ALMS1: variants seen among roughly 807,000 people sequenced by gnomAD.
ALMS1 encodes ALMS1 centrosome and basal body associated protein, also known as centrosome-associated protein ALMS1.
ALMS1 carries 271 observed loss-of-function variants against 352.2 expected under a neutral mutation model. The ratio of observed to expected loss-of-function variants is 0.77; its 90% CI spans 0.70 to 0.85. The LOEUF (loss-of-function observed/expected upper bound fraction) is 0.85. Among genes scored for constraint, ALMS1 ranks in the 40% least tolerant of loss-of-function variants. ALMS1 has a pLI of 0.00. For missense variants in ALMS1, 5,445 were observed against 4,870.7 expected (o/e 1.12, Z -3.51); for synonymous variants, 1,865 against 1,761.2 (o/e 1.06, Z -1.48).
intron 1 of ALMS1, among the ~76,000 whole-genome samples, chr2:73,394,957 A>G (rs117584446): frequency 2.0e-5 from 3 of 148,420 alleles, no homozygotes; most frequent in Non-Finnish European, 4.4e-5. Context: ...TAGAAAAGGT[A>G]TAGTAAAAAT....
At chr2:73,422,731 A>G in intron 3 of ALMS1, 126 bp from the exon 4 acceptor site, 2 of 801,542 alleles carry the variant, frequency 2.5e-6, no homozygotes, top group Non-Finnish European at 4.2e-6. Flanking sequence ...TTGCTTTTAT[A>G]TTATTATTCT....
At chr2:73,468,820 T>G (rs1672410953) in intron 9 of ALMS1, among the ~76,000 whole-genome samples, 2 of 152,000 alleles carry the variant, frequency 1.3e-5, no homozygotes, top group Admixed American at 6.6e-5. Context: ...AGGAGGAACC[T>G]GCTTCTGTCC....
intron 9 of ALMS1, among the ~76,000 whole-genome samples, chr2:73,472,736 G>A (rs1672493732): frequency 6.6e-6 from 1 of 152,006 alleles, no homozygotes; most frequent in Admixed American, 6.6e-5. Context: ...TATACTCATG[G>A]TGCAGGCTGT....
In ALMS1 at chr2:73,452,333, G is replaced by A. The variant is rs758506529; in HGVS notation, c.5806G>A (p.Val1936Ile). The A allele has an allele frequency of 8.1e-6, 13 of 1,614,038 alleles. 1 individual carries two copies. The South Asian group carries it at 1.4e-4, about 18-fold the overall frequency. The change falls in exon 8 of 23, where the codon GTA (valine) becomes ATA (isoleucine). Residue 1936 changes from valine (V) to isoleucine (I), a missense_variant. Coordinates refer to ENST00000613296, the MANE Select transcript of ALMS1 (RefSeq NM_001378454.1). ...TGACCGGAAGACTGAGATACCAACAGTACCTTTAAGTTACTACTCACGTAG... is the reference window on the plus strand; with the variant it reads ...TGACCGGAAGACTGAGATACCAACAATACCTTTAAGTTACTACTCACGTAG... Reference protein sequence around the residue: ...QGDRKTEIPTVPLSYYSRREK... With the variant: ...QGDRKTEIPTIPLSYYSRREK...
At position 73,449,088 on chromosome 2, in the gene ALMS1, C is replaced by G. The variant is rs897039114; in HGVS notation, c.2561C>G (p.Thr854Ser). Residue 854 changes from threonine (T) to serine (S), a missense_variant, in exon 8 of 23, where the codon ACC (threonine) becomes AGC (serine). Transcript: ENST00000613296. ...ADGKTGTPAV[T>S]STSSASSSLG... ...GGAAAGACTGGGACACCAGCTGTAA[C>G]CTCTACTTCCTCTGCGTCCTCTTCA... is the stretch of plus-strand genomic sequence containing the variant. The G allele has an allele frequency of 1.2e-6, 2 of 1,614,082 alleles. No individual in the cohort carries two copies. The highest frequency in any genetic ancestry group is 3.3e-5 in the Admixed American group (2 of 59,992).
At chr2:73,394,979 CATATATATGTGTATATATATATGTGT>C (rs1471143390) in intron 1 of ALMS1, among the ~76,000 whole-genome samples, 8 of 117,510 alleles carry the variant, frequency 6.8e-5, no homozygotes, top group South Asian at 4.9e-4. Context: ...TGGTATTTTA[CATATATATGTGTATATATATATGTGT>C]ATATATATGT....
rs1317917435 is a variant in ALMS1, at chr2:73,547,394, TG to T, written c.9908-2871del. On this transcript the variant is annotated intron_variant, in intron 12 of 22. Coordinates refer to ENST00000613296, the MANE Select transcript of ALMS1 (RefSeq NM_001378454.1). ...CCTTTTTACGCCAGCTCAGGGTGAC[TG>T]GCCCCTTTTTCAGTTAGTTGCTGTG... 3.3e-5 allele frequency among the ~76,000 whole-genome samples: 5 copies of T among 152,378 alleles called. No homozygotes were observed. The South Asian group carries it at 1.0e-3, about 32-fold the overall frequency.
intron 5 of ALMS1, 68 bp from the exon 6 acceptor site, chr2:73,426,385 T>C (rs75172629): frequency 6.6e-7 from 1 of 1,518,918 alleles, no homozygotes; most frequent in South Asian, 1.1e-5. Flanking sequence ...GTGAAAGTCC[T>C]TCGTGTGTGG....
Position 73,449,208 on chromosome 2 carries a change from G to A in ALMS1, c.2681G>A (p.Gly894Asp). 6.2e-7 allele frequency: 1 copy of A among 1,613,868 alleles called. No homozygotes were observed. The highest frequency in any genetic ancestry group is 8.5e-7 in the Non-Finnish European group (1 of 1,179,936). ...ALKVSIVPGP[G>D]DQKTGIPSAP... ...AAAGTATCAATTGTTCCTGGACCAG[G>A]TGATCAGAAGACTGGGATACCCTCA... Residue 894 changes from glycine to aspartate, a missense_variant, in exon 8 of 23, where the codon GGT becomes GAT. Gly to Asp is a moderately conservative substitution (Grantham distance 94). Coordinates refer to ENST00000613296, the MANE Select transcript of ALMS1 (RefSeq NM_001378454.1).
chr2:73,434,169 T>A (rs1207522740), intron 7 of ALMS1, among the ~76,000 whole-genome samples: 1 of 152,116 alleles, frequency 6.6e-6, no homozygotes, highest in Non-Finnish European at 1.5e-5. Flanking sequence ...GTTTAGTTTG[T>A]GCTTTTATTC....
At chr2:73,598,719 A>G (rs945743898) in intron 16 of ALMS1, among the ~76,000 whole-genome samples, 3 of 152,156 alleles carry the variant, frequency 2.0e-5, no homozygotes, top group South Asian at 2.1e-4. Context: ...CTCTGTCCTT[A>G]TTAACGATGG....
chr2:73,543,060 C>G (rs989730173), intron 12 of ALMS1, among the ~76,000 whole-genome samples: 1 of 152,198 alleles, frequency 6.6e-6, no homozygotes, highest in Non-Finnish European at 1.5e-5. Context: ...ATCGCCACGT[C>G]AATCCTAAGA....
At chr2:73,535,322 A>T (rs1674005101) in intron 12 of ALMS1, among the ~76,000 whole-genome samples, 1 of 152,150 alleles carries the variant, frequency 6.6e-6, no homozygotes, top group African/African-American at 2.4e-5. Context: ...CATAAATACT[A>T]ATTGTTTTCC....
chr2:73,450,595 G>T lies in ALMS1; in HGVS notation c.4068G>T (p.Glu1356Asp). 6.2e-7 allele frequency: 1 copy of T among 1,611,640 alleles called. No individual in the cohort carries two copies. Among genetic ancestry groups the T allele is most frequent in the Non-Finnish European group, 8.5e-7 (1 of 1,179,502 alleles). ...QVLPHSHPTE[E>D]ALKISVASEP... ...TGCCACATAGTCATCCAACTGAAGA[G>T]GCTCTGAAAATTTCAGTTGCCTCTG... The change falls in exon 8 of 23, where the codon GAG becomes GAT. Residue 1356 changes from glutamate (E) to aspartate (D), a missense_variant. By Grantham distance (45) the Glu-to-Asp change is conservative (BLOSUM62 2). Transcript: ENST00000613296.
At chr2:73,434,250 A>C (rs1671566161) in intron 7 of ALMS1, among the ~76,000 whole-genome samples, 1 of 152,098 alleles carries the variant, frequency 6.6e-6, no homozygotes, top group Non-Finnish European at 1.5e-5. Context: ...TATGTATACA[A>C]ATTGATAAAT....
chr2:73,506,709 A>G (rs956875816), intron 10 of ALMS1, among the ~76,000 whole-genome samples: 47 of 152,298 alleles, frequency 3.1e-4, no homozygotes, highest in Non-Finnish European at 6.3e-4. Flanking sequence ...TAAATATACA[A>G]TCGTGTCATC....
At chr2:73,540,021 T>C (rs1044174001) in intron 12 of ALMS1, among the ~76,000 whole-genome samples, 3 of 152,118 alleles carry the variant, frequency 2.0e-5, no homozygotes, top group African/African-American at 4.8e-5. Context: ...ATACAGAGAA[T>C]GCCACAAAGA....
At position 73,527,365 on chromosome 2, in the gene ALMS1, A is replaced by G. The variant is rs977496432; in HGVS notation, c.9781+7349A>G. On this transcript the variant is annotated intron_variant, in intron 11 of 22. Coordinates refer to ENST00000613296, the MANE Select transcript of ALMS1 (RefSeq NM_001378454.1). ...GATTAGTATTAGTTCTTCTTTAACT[A>G]TTTGGTACAATTCGGCAGTTAAGCC... Among the ~76,000 whole-genome samples the G allele has an allele frequency of 5.3e-5, 8 of 151,436 alleles. No individual in the cohort carries two copies. In the East Asian group the frequency reaches 1.4e-3, roughly 26 times the overall value.
chr2:73,585,120 T>C (rs1321223652), intron 16 of ALMS1, among the ~76,000 whole-genome samples: 1 of 152,180 alleles, frequency 6.6e-6, no homozygotes, highest in African/African-American at 2.4e-5. Context: ...TATAATGACA[T>C]ATTTTCCTCT....
Sources: allele counts gnomAD v4.1 joint callset (sites outside exome capture counted in the v4.1 genomes callset), GRCh38; gene constraint gnomAD v4.1.1; transcripts MANE v1.5; gene names NCBI Gene and HGNC (gene_info 2026-07-23, HGNC 2026-07-21).